FYB1: variants seen among roughly 807,000 people sequenced by gnomAD.
FYB1 encodes FYN binding protein 1.
FYB1 carries 41 observed loss-of-function variants against 94.1 expected under a neutral mutation model. That is an observed-to-expected ratio of 0.44 (90% confidence interval 0.34 to 0.57). FYB1 has a LOEUF of 0.57. Among genes scored for constraint, FYB1 ranks in the 20% least tolerant of loss-of-function variants. The pLI is 0.02. For synonymous variants in FYB1, 367 were observed against 353.2 expected, an observed-to-expected ratio of 1.04 and a Z score of -0.44; for missense variants, 1,050 against 976.8, an observed-to-expected ratio of 1.07 and a Z score of -1.00.
intron 1 of FYB1, among the ~76,000 whole-genome samples, chr5:39,216,511 T>G (rs1168081396): frequency 6.6e-6 from 1 of 152,114 alleles, no homozygotes; most frequent in Admixed American, 6.5e-5. Context: ...ACCCATCACC[T>G]AGGTATCAGG....
chr5:39,139,328 A>G, intron 4 of FYB1, 76 bp from the exon 5 acceptor site: 1 of 1,187,102 alleles, frequency 8.4e-7, no homozygotes, highest in African/African-American at 1.5e-5. Flanking sequence ...TGGATATGAT[A>G]TAATAATATT....
intron 1 of FYB1, among the ~76,000 whole-genome samples, chr5:39,234,440 C>A (rs1186346489): frequency 2.0e-5 from 3 of 152,008 alleles, no homozygotes; most frequent in Non-Finnish European, 2.9e-5. Context: ...CTTTGAAATA[C>A]AAAGAGGCAA....
chr5:39,127,903 G>A, intron 10 of FYB1, 96 bp from the exon 11 acceptor site: 1 of 1,131,746 alleles, frequency 8.8e-7, no homozygotes, highest in East Asian at 2.8e-5. Context: ...TTATTTAACT[G>A]CAGAGAGCAT....
intron 1 of FYB1, among the ~76,000 whole-genome samples, chr5:39,274,072 G>A (rs1026209096): frequency 5.9e-5 from 9 of 152,062 alleles, no homozygotes; most frequent in African/African-American, 1.9e-4. Flanking sequence ...TTACAGGCAT[G>A]TGCCACCACA....
At chr5:39,157,374 T>C (rs1743851319) in intron 2 of FYB1, among the ~76,000 whole-genome samples, 1 of 152,196 alleles carries the variant, frequency 6.6e-6, no homozygotes, top group African/African-American at 2.4e-5. Context: ...AGGAAAGACC[T>C]GGCTCTAGAG....
chr5:39,247,490 A>G (rs954252473), intron 1 of FYB1, among the ~76,000 whole-genome samples: 9 of 152,130 alleles, frequency 5.9e-5, no homozygotes, highest in Non-Finnish European at 8.8e-5. Flanking sequence ...AAAAATTCAT[A>G]GTTTTGGCAC....
At chr5:39,197,112 T>C (rs1230914715) in intron 2 of FYB1, among the ~76,000 whole-genome samples, 2 of 152,204 alleles carry the variant, frequency 1.3e-5, no homozygotes, top group Non-Finnish European at 2.9e-5. Context: ...AAAAGGCATA[T>C]AGAGTTATTA....
chr5:39,178,974 A>G (rs1374597180), intron 2 of FYB1, among the ~76,000 whole-genome samples: 2 of 152,216 alleles, frequency 1.3e-5, no homozygotes, highest in African/African-American at 2.4e-5. Flanking sequence ...GCTGGGGCAC[A>G]GAAGAGTCCA....
intron 1 of FYB1, among the ~76,000 whole-genome samples, chr5:39,206,751 T>C (rs1748893801): frequency 6.6e-6 from 1 of 152,228 alleles, no homozygotes; most frequent in African/African-American, 2.4e-5. Flanking sequence ...CTAGAGGCAA[T>C]CACTGTCACC....
chr5:39,183,111 C>T (rs568993380), intron 2 of FYB1, among the ~76,000 whole-genome samples: 3 of 152,190 alleles, frequency 2.0e-5, no homozygotes, highest in Admixed American at 1.3e-4. Flanking sequence ...TAACCTCCGC[C>T]TCCTGGGTTC....
chr5:39,261,337 G>GACACACACACACACACACACAC (rs57277521), intron 1 of FYB1, among the ~76,000 whole-genome samples: 1 of 133,806 alleles, frequency 7.5e-6, no homozygotes, highest in Non-Finnish European at 1.6e-5. Flanking sequence ...TGTAGATTAA[G>GACACACACACACACACACACAC]ACACACACAC....
Position 39,248,508 on chromosome 5 carries a change from G to A in FYB1, c.-28+25895C>T, listed in dbSNP as rs139291479. ...ATATGCTATAACATGGAGAAACCTCGAAGACGTAATGCTAAGTGAAATAAG... is the reference window on the plus strand; with the variant it reads ...ATATGCTATAACATGGAGAAACCTCAAAGACGTAATGCTAAGTGAAATAAG... On this transcript the variant is annotated intron_variant, in intron 1 of 1. Coordinates refer to the FYB1 transcript ENST00000510188. Among the ~76,000 whole-genome samples the A allele has an allele frequency of 2.0e-3, 305 of 152,176 alleles. 4 individuals are homozygous for A. Among genetic ancestry groups the A allele is most frequent in the African/African-American group, 6.9e-3 (286 of 41,514 alleles).
chr5:39,147,519 T>C (rs1488324972), intron 3 of FYB1, among the ~76,000 whole-genome samples: 3 of 150,860 alleles, frequency 2.0e-5, no homozygotes, highest in African/African-American at 7.3e-5. Flanking sequence ...TAAAATACAA[T>C]ATAACTTTGG....
Position 39,202,065 on chromosome 5 carries a change from A to T in FYB1, c.896T>A (p.Ile299Lys). ...DAAKNTFQSKINQEELASGTP... is the reference protein window; with the variant it reads ...DAAKNTFQSKKNQEELASGTP... The stretch of plus-strand genomic sequence containing the variant: ...CCCTGAGGCCAACTCTTCCTGATTT[A>T]TTTTGCTCTGGAAGGTGTTCTTAGC... The change falls in exon 2 of 19, where the codon ATA becomes AAA. Residue 299 changes from isoleucine to lysine, a missense_variant. Coordinates refer to ENST00000512982, the MANE Select transcript of FYB1 (RefSeq NM_001465.6). The T allele has an allele frequency of 6.2e-7, 1 of 1,613,870 alleles. No individual in the cohort carries two copies. The highest frequency in any genetic ancestry group is 8.5e-7 in the Non-Finnish European group (1 of 1,179,858).
rs142109365 is a variant in FYB1 at position 39,253,538 on chromosome 5, G to A, written c.-28+20865C>T. The stretch of plus-strand genomic sequence containing the variant: ...TTACATAGGTAAATGTGTGTTGTAA[G>A]GCATAGGATTGTTACACAGGTAAAT... On this transcript the variant is annotated intron_variant, in intron 1 of 1. Transcript: ENST00000510188. Among the ~76,000 whole-genome samples, 941 of 152,070 alleles carry A rather than the reference G, an allele frequency of 6.2e-3. 74 individuals carry two copies. In the East Asian group the frequency reaches 0.16, roughly 25 times the overall value.
At chr5:39,118,552 A>G (rs1219939606) in intron 16 of FYB1, among the ~76,000 whole-genome samples, 1 of 152,184 alleles carries the variant, frequency 6.6e-6, no homozygotes, top group Non-Finnish European at 1.5e-5. Context: ...AAGGGTGGGT[A>G]CAGGGAACTG....
intron 3 of FYB1, among the ~76,000 whole-genome samples, chr5:39,147,008 AAG>A (rs1301882926): frequency 3.3e-5 from 5 of 152,294 alleles, no homozygotes; most frequent in African/African-American, 1.2e-4. Context: ...TACAGAGAGT[AAG>A]AGAAAAACAA....
At chr5:39,174,185 T>C (rs947954203) in intron 2 of FYB1, among the ~76,000 whole-genome samples, 3 of 152,202 alleles carry the variant, frequency 2.0e-5, no homozygotes, top group African/African-American at 2.4e-5. Context: ...GATGAATTCC[T>C]AGGTATTTTA....
chr5:39,240,296 CT>C (rs1227945483), intron 1 of FYB1, among the ~76,000 whole-genome samples: 3 of 152,082 alleles, frequency 2.0e-5, no homozygotes, highest in Non-Finnish European at 4.4e-5. Flanking sequence ...CCAAAAGCAA[CT>C]GCAATAAAAC....
Sources: gnomAD v4.1 joint callset for allele counts (sites outside exome capture counted in the v4.1 genomes callset) on GRCh38, gnomAD v4.1.1 for gene constraint, MANE v1.5 for transcripts, NCBI Gene and HGNC (gene_info 2026-07-23, HGNC 2026-07-21) for gene names.